Variants in IQGAP2 observed in about 807,000 individuals in gnomAD.
IQGAP2 encodes the protein ras GTPase-activating-like protein IQGAP2.
A neutral mutation model predicts 201.3 loss-of-function variants in IQGAP2; 173 were observed. That is an observed-to-expected ratio of 0.86 (90% CI 0.76 to 0.98). The LOEUF is 0.98. Among genes scored for constraint, IQGAP2 ranks in the 50% least tolerant of loss-of-function variants. The pLI, the probability that IQGAP2 is intolerant of heterozygous loss-of-function variation, is 0.00. For missense variants in IQGAP2, 1,687 were observed against 1,864.8 expected (o/e 0.90, Z 1.76); for synonymous variants, 675 against 673.9 (o/e 1.00, Z -0.03).
At position 76,695,567 on chromosome 5, in the gene IQGAP2, G is replaced by A; in HGVS notation, c.4107G>A (p.Gln1369=). ...AAGATGCACAGCTGCCTCTTGAGCA[G>A]AAGAAGAGGAAAATCCAGAGGAATC... The part of the protein sequence containing the change: ...MIEDAQLPLE[Q]KKRKIQRNLR... Residue 1369 remains glutamine (Q), a synonymous_variant, in exon 32 of 36, where the codon CAG becomes CAA. Transcript: ENST00000274364. 6.2e-7 allele frequency: 1 copy of A among 1,614,188 alleles called. No homozygotes were observed. The highest frequency in any genetic ancestry group is 8.5e-7 in the Non-Finnish European group (1 of 1,180,006).
At chr5:76,412,958 C>T (rs1751204240) in intron 1 of IQGAP2, among the ~76,000 whole-genome samples, 1 of 151,984 alleles carries the variant, frequency 6.6e-6, no homozygotes, top group Non-Finnish European at 1.5e-5. Flanking sequence ...AAAGTGTGCT[C>T]CCATGGAGTC....
chr5:76,551,588 T>TGAGTGAG (rs1743529125), intron 2 of IQGAP2, among the ~76,000 whole-genome samples: 1 of 151,988 alleles, frequency 6.6e-6, no homozygotes, highest in Non-Finnish European at 1.5e-5. Context: ...TGAGCGAGAC[T>TGAGTGAG]CCGTCTGCAA....
chr5:76,421,612 G>A (rs1751732939), intron 1 of IQGAP2, among the ~76,000 whole-genome samples: 1 of 151,162 alleles, frequency 6.6e-6, no homozygotes, highest in Non-Finnish European at 1.5e-5. Context: ...GTGAGACCCT[G>A]TCTCATAAAA....
At chr5:76,413,026 G>A (rs954433305) in intron 1 of IQGAP2, among the ~76,000 whole-genome samples, 2 of 151,808 alleles carry the variant, frequency 1.3e-5, no homozygotes, top group African/African-American at 4.8e-5. Context: ...GCTGCCCCTT[G>A]GTCTGTATCC....
chr5:76,645,779 T>C (rs1751989268), intron 17 of IQGAP2, among the ~76,000 whole-genome samples: 1 of 151,486 alleles, frequency 6.6e-6, no homozygotes, highest in African/African-American at 2.4e-5. Flanking sequence ...AGTTATGAGA[T>C]GAAACATAAT....
rs771128027 is a variant in IQGAP2 at position 76,562,508 on chromosome 5, G to T, written c.259G>T (p.Val87Leu). ...KLAKFFAPKM[V>L]SEKKIYDVEQ... is the part of the protein sequence containing the mutation. ...AGCCAAGTTCTTTGCCCCGAAAATG[G>T]TATCAGAGAAAAAGATCTATGATGT... Residue 87 changes from valine to leucine, a missense_variant, in exon 3 of 36, where the codon GTA (valine) becomes TTA (leucine). Transcript: ENST00000274364. The T allele has an allele frequency of 1.3e-5, 21 of 1,613,854 alleles. No homozygotes were observed. Among genetic ancestry groups the T allele is most frequent in the African/African-American group, 2.7e-5 (2 of 74,918 alleles).
intron 27 of IQGAP2, among the ~76,000 whole-genome samples, chr5:76,675,935 T>C (rs1286227531): frequency 6.6e-6 from 1 of 151,996 alleles, no homozygotes; most frequent in Non-Finnish European, 1.5e-5. Context: ...TAAAAAATTA[T>C]CTGGGCATAG....
At chr5:76,674,348 T>A (rs1205623064) in intron 26 of IQGAP2, 129 bp from the exon 27 acceptor site, 1 of 619,596 alleles carries the variant, frequency 1.6e-6, no homozygotes, top group African/African-American at 1.9e-5. Context: ...TTGTTAGGAT[T>A]TACATCAGAA....
At chr5:76,583,542 A>T (rs531008275) in intron 5 of IQGAP2, among the ~76,000 whole-genome samples, 1 of 152,206 alleles carries the variant, frequency 6.6e-6, no homozygotes, top group East Asian at 1.9e-4. Context: ...ATATATGCAA[A>T]TGAGATCTTT....
chr5:76,560,681 T>G (rs1744304432), intron 2 of IQGAP2, among the ~76,000 whole-genome samples: 1 of 152,220 alleles, frequency 6.6e-6, no homozygotes, highest in South Asian at 2.1e-4. Context: ...CATGTAGCAT[T>G]GCACATCATA....
chr5:76,583,301 G>A (rs1746004276), intron 5 of IQGAP2, among the ~76,000 whole-genome samples: 1 of 152,074 alleles, frequency 6.6e-6, no homozygotes, highest in South Asian at 2.1e-4. Flanking sequence ...GGAATACTGG[G>A]TAAACACAGT....
chr5:76,445,718 C>G (rs1004081057), intron 1 of IQGAP2, among the ~76,000 whole-genome samples: 1 of 152,152 alleles, frequency 6.6e-6, no homozygotes, highest in Non-Finnish European at 1.5e-5. Flanking sequence ...GCTGCCTCAG[C>G]CTCTCAAAGT....
At chr5:76,418,206 C>CAAA (rs11329998) in intron 1 of IQGAP2, among the ~76,000 whole-genome samples, 16 of 85,752 alleles carry the variant, frequency 1.9e-4, no homozygotes, top group East Asian at 6.9e-4. Context: ...GACTCCGTCT[C>CAAA]AAAAAAAAAA....
At chr5:76,574,133 T>C (rs1260871908) in intron 4 of IQGAP2, among the ~76,000 whole-genome samples, 1 of 152,184 alleles carries the variant, frequency 6.6e-6, no homozygotes, top group African/African-American at 2.4e-5. Context: ...ATATGATGCA[T>C]TATTTTAGTT....
At chr5:76,436,805 G>A (rs984117669) in intron 1 of IQGAP2, among the ~76,000 whole-genome samples, 3 of 151,414 alleles carry the variant, frequency 2.0e-5, no homozygotes, top group Non-Finnish European at 4.4e-5. Flanking sequence ...TGGGATTACA[G>A]GCATGAGCCA....
At chr5:76,427,362 G>A (rs1233829092) in intron 1 of IQGAP2, among the ~76,000 whole-genome samples, 31 of 152,062 alleles carry the variant, frequency 2.0e-4, no homozygotes, top group Admixed American at 1.4e-3. Context: ...GTGTTGTGAC[G>A]GTGGGTGGTG....
chr5:76,462,903 G>A (rs376244374), intron 2 of IQGAP2, among the ~76,000 whole-genome samples: 25 of 152,150 alleles, frequency 1.6e-4, no homozygotes, highest in Admixed American at 1.6e-3. Context: ...GGATGCTAGC[G>A]ATTCACTATC....
intron 2 of IQGAP2, among the ~76,000 whole-genome samples, chr5:76,520,161 A>C (rs1052466796): frequency 3.3e-5 from 5 of 149,490 alleles, no homozygotes; most frequent in Non-Finnish European, 7.4e-5. Context: ...CAAGAGTTTT[A>C]TGTTTTACAT....
At chr5:76,505,858 C>T (rs976738031) in intron 2 of IQGAP2, among the ~76,000 whole-genome samples, 1 of 152,218 alleles carries the variant, frequency 6.6e-6, no homozygotes, top group Non-Finnish European at 1.5e-5. Context: ...CACCTTTATT[C>T]CTGTTCCTGG....
Sources: allele counts gnomAD v4.1 joint callset (sites outside exome capture counted in the v4.1 genomes callset), GRCh38; gene constraint gnomAD v4.1.1; transcripts MANE v1.5; gene names NCBI Gene and HGNC (gene_info 2026-07-23, HGNC 2026-07-21).